TBC1D30: variants seen among roughly 807,000 people sequenced by gnomAD.
TBC1D30 encodes TBC1 domain family member 30, also known as TBC1 domain family, member 30.
TBC1D30 carries 31 observed loss-of-function variants against 63.2 expected under a neutral mutation model. The observed-to-expected ratio is 0.49, with a 90% CI of 0.37 to 0.66. The LOEUF (loss-of-function observed/expected upper bound fraction) is 0.66, where lower values mean the gene tolerates loss of function less well. TBC1D30 is among the 30% of genes least tolerant of loss of function. The pLI is 0.00. For synonymous variants in TBC1D30, 307 were observed against 361.5 expected (o/e 0.85, Z 1.71); for missense variants, 810 against 953.6 (o/e 0.85, Z 1.98).
rs920608910 is a variant in TBC1D30, at chr12:64,875,854, G to C, written c.*66G>C. 5 of 1,409,170 alleles carry C rather than the reference G, an allele frequency of 3.5e-6. No individual in the cohort carries two copies. In the African/African-American group the frequency reaches 7.2e-5, roughly 20 times the overall value. 87.3% of individuals were successfully genotyped at this position (1,409,170 alleles called of 1,614,324 possible). ...GTAGTATAAGGGTTGCAGCTGAATGGCTCTAAAAGAGTTTTATTTGTCCAG... is the reference window on the plus strand; with the variant it reads ...GTAGTATAAGGGTTGCAGCTGAATGCCTCTAAAAGAGTTTTATTTGTCCAG... On this transcript the variant is annotated 3_prime_UTR_variant, in exon 12 of 12. Transcript: ENST00000539867.
At chr12:64,781,245 G>A in exon 1 of TBC1D30, 1 of 1,157,132 alleles carries the variant, frequency 8.6e-7, no homozygotes, top group East Asian at 1.0e-4. Context: ...CTGCAGGAGC[G>A]ACCGAGCCAG....
At chr12:64,868,582 T>G in intron 10 of TBC1D30, 1 of 312,662 alleles carries the variant, frequency 3.2e-6, no homozygotes, top group Non-Finnish European at 6.0e-6. Flanking sequence ...TGAAGCATCT[T>G]TTCGGCAAAC....
chr12:64,800,823 G>T (rs1415935429), intron 2 of TBC1D30, among the ~76,000 whole-genome samples: 5 of 152,150 alleles, frequency 3.3e-5, no homozygotes, highest in African/African-American at 9.7e-5. Context: ...AGAGAAGTAA[G>T]AAAAGGTTGT....
intron 5 of TBC1D30, among the ~76,000 whole-genome samples, chr12:64,833,295 A>G (rs1875033531): frequency 6.6e-6 from 1 of 152,208 alleles, no homozygotes; most frequent in Admixed American, 6.5e-5. Flanking sequence ...AATTTTAAAA[A>G]CATGTTGAGA....
Position 64,817,329 on chromosome 12 carries a change from C to T in TBC1D30, c.644-10506C>T, listed in dbSNP as rs114598656. Among the ~76,000 whole-genome samples the T allele has an allele frequency of 4.1e-3, 624 of 152,256 alleles. 3 individuals carry two copies. The highest frequency in any genetic ancestry group is 0.014 in the African/African-American group (588 of 41,540). ...TTTCATTATGTCATTTAATTCTCAC[C>T]GTAACTCAAATATCATTATTCTAAA... On this transcript the variant is annotated intron_variant, in intron 2 of 12. Transcript: ENST00000542120.
intron 2 of TBC1D30, among the ~76,000 whole-genome samples, chr12:64,791,720 A>G (rs1226520882): frequency 3.4e-5 from 5 of 146,580 alleles, no homozygotes; most frequent in Non-Finnish European, 1.5e-5. Context: ...ATATATATAT[A>G]TGTTTTTTTT....
At chr12:64,767,311 C>G (rs1870747955) in intron 1 of TBC1D30, among the ~76,000 whole-genome samples, 1 of 150,304 alleles carries the variant, frequency 6.7e-6, no homozygotes, top group African/African-American at 2.4e-5. Context: ...CAGAGATATC[C>G]CATATCTCCA....
intron 2 of TBC1D30, among the ~76,000 whole-genome samples, chr12:64,798,511 TAGG>T (rs1378821742): frequency 6.6e-6 from 1 of 152,182 alleles, no homozygotes; most frequent in Non-Finnish European, 1.5e-5. Flanking sequence ...GTTGCTGACA[TAGG>T]AGAATTTCAG....
At chr12:64,844,349 A>C (rs1021583843) in intron 8 of TBC1D30, among the ~76,000 whole-genome samples, 1 of 152,170 alleles carries the variant, frequency 6.6e-6, no homozygotes, top group African/African-American at 2.4e-5. Flanking sequence ...CTGTCTTATT[A>C]ACACTCACTC....
At chr12:64,820,555 A>G (rs1873830970), upstream of TBC1D30, among the ~76,000 whole-genome samples, 1 of 152,230 alleles carries the variant, frequency 6.6e-6, no homozygotes, top group Admixed American at 6.5e-5. Flanking sequence ...CATAAGTCAT[A>G]ACCATTGTAG....
In TBC1D30 at chr12:64,843,407, T is replaced by C; in HGVS notation, c.960T>C (p.Asp320=). The change falls in exon 8 of 12, where the codon GAT becomes GAC. Residue 320 remains aspartate, a synonymous_variant. Coordinates refer to ENST00000539867, the MANE Select transcript of TBC1D30 (RefSeq NM_015279.2). ...AGATAGAATGTTGTGAAACAGCAGA[T>C]GAATTCTACAGCACCATGGGGCGCC... ...GEQIECCETA[D]EFYSTMGRLT... The C allele has an allele frequency of 1.3e-6, 2 of 1,536,400 alleles. No individual in the cohort carries two copies. The highest frequency in any genetic ancestry group is 1.4e-5 in the African/African-American group (1 of 73,188).
At chr12:64,871,596 C>T (rs192728320) in intron 11 of TBC1D30, among the ~76,000 whole-genome samples, 74 of 152,332 alleles carry the variant, frequency 4.9e-4, no homozygotes, top group African/African-American at 1.7e-3. Flanking sequence ...TAGTTGACTT[C>T]TTGATGATTC....
chr12:64,778,567 T>TTTTTTTTTTTTTTTG, upstream of TBC1D30, among the ~76,000 whole-genome samples: 1 of 146,236 alleles, frequency 6.8e-6, no homozygotes, highest in Non-Finnish European at 1.5e-5. Context: ...TTTTTTTTTT[T>TTTTTTTTTTTTTTTG]TTTTTTTAAG....
Position 64,824,837 on chromosome 12 carries a change from C to T in TBC1D30, c.-43C>T. The T allele has an allele frequency of 6.6e-7, 1 of 1,524,272 alleles. No homozygotes were observed. Among genetic ancestry groups the T allele is most frequent in the Non-Finnish European group, 8.8e-7 (1 of 1,141,178 alleles). 94.4% of individuals were successfully genotyped at this position (1,524,272 alleles called of 1,614,324 possible). The stretch of plus-strand genomic sequence containing the variant: ...CGCTCAGCGAGTGGGGTAGCGGGGA[C>T]CGAGACGGACGGTAGCCGTGCCAGA... On this transcript the variant is annotated 5_prime_UTR_variant, in exon 1 of 12. Transcript: ENST00000539867.
upstream of TBC1D30, among the ~76,000 whole-genome samples, chr12:64,822,483 G>A (rs930360811): frequency 6.6e-6 from 1 of 151,586 alleles, no homozygotes; most frequent in South Asian, 2.1e-4. Flanking sequence ...ACCTGACCCA[G>A]CAATTAATTG....
intron 2 of TBC1D30, among the ~76,000 whole-genome samples, chr12:64,796,566 A>G (rs1469541908): frequency 6.6e-5 from 10 of 152,132 alleles, no homozygotes; most frequent in Non-Finnish European, 1.5e-4. Context: ...AAATAAAGGG[A>G]ACTTTTGTTG....
chr12:64,815,548 A>C (rs1020645627), intron 2 of TBC1D30, among the ~76,000 whole-genome samples: 1 of 152,230 alleles, frequency 6.6e-6, no homozygotes, highest in Non-Finnish European at 1.5e-5. Context: ...CTGTAGCAGC[A>C]CCTCATTGCA....
rs867182670 is a variant in TBC1D30 at position 64,876,604 on chromosome 12, G to A, written c.*816G>A. 28 of 353,930 alleles carry A rather than the reference G, an allele frequency of 7.9e-5. No individual in the cohort carries two copies. In the Middle Eastern group the frequency reaches 2.1e-3, roughly 27 times the overall value. 21.9% of individuals were successfully genotyped at this position (353,930 alleles called of 1,614,324 possible). A position where few individuals can be genotyped will look rare whatever the true frequency, so the allele number is the denominator to read the frequency against. ...ACGGATGACTTGATGGGCTCCATGC[G>A]GAGCCTGGCCTGCATCCCCCACCAC... On this transcript the variant is annotated 3_prime_UTR_variant, in exon 12 of 12. Coordinates refer to ENST00000539867, the MANE Select transcript of TBC1D30 (RefSeq NM_015279.2).
chr12:64,759,984 A>G (rs1373140060), intron 1 of TBC1D30, among the ~76,000 whole-genome samples: 1 of 152,206 alleles, frequency 6.6e-6, no homozygotes, highest in African/African-American at 2.4e-5. Context: ...GGAACTGGTT[A>G]GCTCTCTTAA....
Sources: allele counts gnomAD v4.1 joint callset (sites outside exome capture counted in the v4.1 genomes callset), GRCh38; gene constraint gnomAD v4.1.1; transcripts MANE v1.5; gene names NCBI Gene and HGNC (gene_info 2026-07-23, HGNC 2026-07-21).